Variants in SS18 observed in about 807,000 individuals in gnomAD.
The protein encoded by SS18 is protein SSXT.
Under a neutral mutation model 72.5 loss-of-function variants are expected in SS18, and 28 were observed. That is an observed-to-expected ratio of 0.39 (90% CI 0.29 to 0.53). The LOEUF is 0.53. Among genes scored for constraint, SS18 ranks in the 20% least tolerant of loss-of-function variants. The probability of loss-of-function intolerance (pLI) is 0.76; values close to 1 mark genes in which losing one functional copy is unlikely to be tolerated. For synonymous variants in SS18, 172 were observed against 164.2 expected, an observed-to-expected ratio of 1.05 and a Z score of -0.37; for missense variants, 518 against 535.3, an observed-to-expected ratio of 0.97 and a Z score of 0.32.
chr18:26,084,388 G>A (rs957721102), intron 2 of SS18, among the ~76,000 whole-genome samples: 1 of 152,138 alleles, frequency 6.6e-6, no homozygotes, highest in Non-Finnish European at 1.5e-5. Flanking sequence ...AACTATTTTA[G>A]GCAAATCATT....
chr18:26,045,697 A>T (rs982991780), intron 5 of SS18, among the ~76,000 whole-genome samples: 1 of 152,096 alleles, frequency 6.6e-6, no homozygotes, highest in Non-Finnish European at 1.5e-5. Context: ...GCATAGTAGG[A>T]TCAGACCATA....
intron 7 of SS18, among the ~76,000 whole-genome samples, chr18:26,036,773 G>C (rs559016440): frequency 2.6e-5 from 4 of 152,084 alleles, no homozygotes; most frequent in Admixed American, 1.3e-4. Context: ...GTATTCTAAT[G>C]TTCCCAAGCC....
rs189662043 is a variant in SS18 at position 26,017,316 on chromosome 18, G to A, written c.*1038C>T. 56 of 193,192 alleles carry A rather than the reference G, an allele frequency of 2.9e-4. No individual in the cohort carries two copies. Among genetic ancestry groups the A allele is most frequent in the East Asian group, 2.6e-3 (31 of 12,142 alleles). The allele number at this position is 193,192 out of a possible 1,614,324, so 12.0% of individuals were successfully genotyped here. A position where few individuals can be genotyped will look rare whatever the true frequency, so the allele number is the denominator to read the frequency against. ...AATGATATTATTTCCAGATAAGAAA[G>A]TTGAAACAAAGGTTTGTAAAGTCTC... On this transcript the variant is annotated 3_prime_UTR_variant, in exon 11 of 11. Transcript: ENST00000415083.
chr18:26,054,526 G>A (rs892721046), intron 4 of SS18, among the ~76,000 whole-genome samples: 5 of 151,658 alleles, frequency 3.3e-5, no homozygotes, highest in African/African-American at 9.7e-5. Context: ...CTAAATGTTC[G>A]AATAAATTAA....
At chr18:26,057,425 G>A (rs1363759652) in intron 4 of SS18, among the ~76,000 whole-genome samples, 164 bp downstream of exon 4, 2 of 152,120 alleles carry the variant, frequency 1.3e-5, no homozygotes, top group Non-Finnish European at 2.9e-5. Context: ...GATAAACACT[G>A]AATACAGGTC....
chr18:26,019,605 G>A (rs536708487), intron 10 of SS18, among the ~76,000 whole-genome samples: 125 of 152,164 alleles, frequency 8.2e-4, no homozygotes, highest in Non-Finnish European at 1.4e-3. Context: ...GAGGTCAGGA[G>A]TTCGAGACCA....
chr18:26,030,175 G>A lies in SS18; in HGVS notation c.1230+2224C>T, dbSNP rs551395090. Among the ~76,000 whole-genome samples the A allele has an allele frequency of 7.2e-4, 109 of 152,238 alleles. 2 individuals carry two copies. The South Asian group carries it at 0.011, about 15-fold the overall frequency. On this transcript the variant is annotated intron_variant, in intron 10 of 10. Coordinates refer to ENST00000415083, the MANE Select transcript of SS18 (RefSeq NM_001007559.3). ...AAGTTCAAGTCCCCTAATACGGCTTGTAAGAGCCTTCCTAAGCTAACTCCA... is the reference window on the plus strand; with the variant it reads ...AAGTTCAAGTCCCCTAATACGGCTTATAAGAGCCTTCCTAAGCTAACTCCA...
At chr18:26,029,489 A>G (rs1301725318) in intron 10 of SS18, among the ~76,000 whole-genome samples, 1 of 152,204 alleles carries the variant, frequency 6.6e-6, no homozygotes, top group African/African-American at 2.4e-5. Flanking sequence ...GAGACTGTGA[A>G]AAATGGCTAG....
At chr18:26,050,733 G>A (rs996190724) in intron 5 of SS18, among the ~76,000 whole-genome samples, 3 of 151,718 alleles carry the variant, frequency 2.0e-5, no homozygotes, top group African/African-American at 4.8e-5. Flanking sequence ...GTGAAACCCT[G>A]TCTCTACTAA....
rs578050843 is a variant in SS18 at position 26,020,625 on chromosome 18, TC to T, written c.1231-2246del. 3.3e-5 allele frequency among the ~76,000 whole-genome samples: 5 copies of T among 152,222 alleles called. No homozygotes were observed. In the South Asian group the frequency reaches 8.3e-4, roughly 25 times the overall value. On this transcript the variant is annotated intron_variant, in intron 10 of 10. Transcript: ENST00000415083. ...CTTATGGAACAAATACTCATCATCA[TC>T]AAAAATGTGGAAAACAGAGAAGACT...
At chr18:26,075,967 CA>C (rs2054403813) in intron 3 of SS18, among the ~76,000 whole-genome samples, 1 of 151,568 alleles carries the variant, frequency 6.6e-6, no homozygotes, top group African/African-American at 2.4e-5. Flanking sequence ...AAAATGGCCT[CA>C]AAAAATATAA....
intron 10 of SS18, among the ~76,000 whole-genome samples, chr18:26,026,769 A>AT (rs1281258533): frequency 6.6e-6 from 1 of 152,204 alleles, no homozygotes; most frequent in Non-Finnish European, 1.5e-5. Context: ...ACTAGATGTG[A>AT]TTTTAGTAAA....
rs545406585 is a variant in SS18, at chr18:26,035,238, G to A, written c.974-111C>T. 76 of 1,260,228 alleles carry A rather than the reference G, an allele frequency of 6.0e-5. No homozygotes were observed. The highest frequency in any genetic ancestry group is 1.1e-4 in the African/African-American group (7 of 66,532). 78.1% of individuals were successfully genotyped at this position (1,260,228 alleles called of 1,614,324 possible). A position where few individuals can be genotyped will look rare whatever the true frequency, so the allele number is the denominator to read the frequency against. On this transcript the variant is annotated intron_variant, in intron 8 of 10. Transcript: ENST00000415083. The surrounding 1 kb of genome is among the most constrained non-coding windows in gnomAD (Gnocchi z 4.4). ...CAAGAACAAAATGAAATGCCATATT[G>A]ATTTTTAGAAGTTAACAAAACAAAG...
intron 5 of SS18, among the ~76,000 whole-genome samples, chr18:26,046,302 G>C (rs955831664): frequency 4.3e-5 from 6 of 138,916 alleles, no homozygotes; most frequent in Non-Finnish European, 7.4e-5. Context: ...AATTTAAAAA[G>C]TAGTTCCCTT....
chr18:26,047,150 G>T (rs1351129234), intron 5 of SS18, among the ~76,000 whole-genome samples: 1 of 150,814 alleles, frequency 6.6e-6, no homozygotes, highest in African/African-American at 2.4e-5. Flanking sequence ...TCAAGGATGT[G>T]AGAATTAAAG....
At chr18:26,048,768 C>T (rs1011017184) in intron 5 of SS18, among the ~76,000 whole-genome samples, 4 of 152,148 alleles carry the variant, frequency 2.6e-5, no homozygotes, top group Admixed American at 6.5e-5. Flanking sequence ...AACTTAGCCA[C>T]GTGAATCAAC....
intron 3 of SS18, among the ~76,000 whole-genome samples, chr18:26,065,571 T>TA (rs918863527): frequency 4.6e-5 from 7 of 151,852 alleles, no homozygotes; most frequent in African/African-American, 7.2e-5. Context: ...CAAGAAAATA[T>TA]ACATGTATCT....
At chr18:26,070,848 A>G (rs1207879028) in intron 3 of SS18, among the ~76,000 whole-genome samples, 1 of 152,214 alleles carries the variant, frequency 6.6e-6, no homozygotes, top group Admixed American at 6.5e-5. Context: ...ATCCTAAAAC[A>G]TAATAGTTTT....
chr18:26,039,791 T>C (rs1470382019), intron 5 of SS18, among the ~76,000 whole-genome samples: 2 of 152,192 alleles, frequency 1.3e-5, no homozygotes, highest in Non-Finnish European at 2.9e-5. Flanking sequence ...CTATACCATC[T>C]TTCTTGAGAA....
Sources: allele counts gnomAD v4.1 joint callset (sites outside exome capture counted in the v4.1 genomes callset), GRCh38; gene constraint gnomAD v4.1.1; non-coding constraint Gnocchi (gnomAD v3.1); transcripts MANE v1.5; gene names NCBI Gene and HGNC (gene_info 2026-07-23, HGNC 2026-07-21).